The following PTPRD variants were observed in gnomAD, a reference collection of about 807,000 sequenced individuals.
PTPRD encodes the protein receptor-type tyrosine-protein phosphatase delta.
In PTPRD, 34 loss-of-function variants were observed where a neutral mutation model predicts 214.5. That is an observed-to-expected ratio of 0.16 (90% confidence interval 0.12 to 0.21). PTPRD has a LOEUF of 0.21. PTPRD is among the 10% of genes least tolerant of loss of function. The pLI, the probability that PTPRD is intolerant of heterozygous loss-of-function variation, is 1.00. For missense variants in PTPRD, 2,545 were observed against 2,398.7 expected, an observed-to-expected ratio of 1.06 and a Z score of -1.27; for synonymous variants, 1,128 against 845.7, an observed-to-expected ratio of 1.33 and a Z score of -5.79.
At chr9:8,996,385 T>C (rs765845200) in intron 11 of PTPRD, among the ~76,000 whole-genome samples, 1 of 152,004 alleles carries the variant, frequency 6.6e-6, no homozygotes, top group Non-Finnish European at 1.5e-5. Flanking sequence ...GGTTACGTAA[T>C]GGATGATTAC....
chr9:9,313,251 C>A (rs1960189327), intron 9 of PTPRD, among the ~76,000 whole-genome samples: 2 of 151,976 alleles, frequency 1.3e-5, no homozygotes, highest in Admixed American at 1.3e-4. Context: ...GAGAGGAGAG[C>A]AACAAGATTA....
intron 12 of PTPRD, among the ~76,000 whole-genome samples, chr9:8,688,667 G>A (rs372929285): frequency 2.0e-5 from 3 of 151,728 alleles, no homozygotes; most frequent in African/African-American, 4.8e-5. Context: ...TAGTAAACAC[G>A]TATTCTTCAG....
chr9:9,079,429 C>T (rs2099755888), intron 10 of PTPRD, among the ~76,000 whole-genome samples: 1 of 151,930 alleles, frequency 6.6e-6, no homozygotes, highest in East Asian at 1.9e-4. Context: ...TATGTTAATT[C>T]CATATCTTGG....
At chr9:9,580,992 T>TG (rs1426878316) in intron 7 of PTPRD, among the ~76,000 whole-genome samples, 1 of 152,144 alleles carries the variant, frequency 6.6e-6, no homozygotes, top group African/African-American at 2.4e-5. Context: ...TTCCCTGTGT[T>TG]GATCAGATTC....
intron 11 of PTPRD, among the ~76,000 whole-genome samples, chr9:8,785,282 C>T (rs1368229449): frequency 1.3e-5 from 2 of 152,118 alleles, no homozygotes; most frequent in Non-Finnish European, 2.9e-5. Flanking sequence ...CCAGTCATAC[C>T]GGCATAACTA....
intron 32 of PTPRD, among the ~76,000 whole-genome samples, chr9:8,462,114 T>A (rs2096426699): frequency 1.3e-5 from 2 of 152,052 alleles, no homozygotes; most frequent in Admixed American, 1.3e-4. Flanking sequence ...TCATTTCCAA[T>A]CATTTCTAGA....
At chr9:8,783,171 T>A (rs1382643558) in intron 11 of PTPRD, among the ~76,000 whole-genome samples, 1 of 152,114 alleles carries the variant, frequency 6.6e-6, no homozygotes, top group Non-Finnish European at 1.5e-5. Flanking sequence ...GAAATTTTCA[T>A]AAAGAAATCC....
At chr9:10,269,494 C>A (rs530293996) in intron 3 of PTPRD, among the ~76,000 whole-genome samples, 34 of 152,134 alleles carry the variant, frequency 2.2e-4, no homozygotes, top group African/African-American at 6.0e-4. Context: ...TATACAACCA[C>A]CTGAGGAAAG....
chr9:8,829,783 A>G (rs141954664), intron 11 of PTPRD, among the ~76,000 whole-genome samples: 82 of 152,314 alleles, frequency 5.4e-4, no homozygotes, highest in African/African-American at 1.9e-3. Context: ...TCAGTCTACC[A>G]CTAATAACCA....
At chr9:8,743,004 C>T (rs2092270585) in intron 11 of PTPRD, among the ~76,000 whole-genome samples, 3 of 151,710 alleles carry the variant, frequency 2.0e-5, no homozygotes, top group Admixed American at 6.6e-5. Flanking sequence ...CAACTACCTG[C>T]CCCCCAACAA....
At chr9:9,173,065 G>T (rs369793808) in intron 10 of PTPRD, among the ~76,000 whole-genome samples, 1 of 152,036 alleles carries the variant, frequency 6.6e-6, no homozygotes, top group Non-Finnish European at 1.5e-5. Context: ...ACTCTCCTCA[G>T]ACTTTCACTC....
chr9:8,913,656 G>C (rs2098763957), intron 11 of PTPRD, among the ~76,000 whole-genome samples: 1 of 151,916 alleles, frequency 6.6e-6, no homozygotes, highest in African/African-American at 2.4e-5. Context: ...TCTTATTAAG[G>C]CAAACTTTCC....
At chr9:10,370,554 A>T (rs933841749) in intron 2 of PTPRD, among the ~76,000 whole-genome samples, 1 of 152,088 alleles carries the variant, frequency 6.6e-6, no homozygotes, top group Admixed American at 6.6e-5. Flanking sequence ...ATACATTGAA[A>T]TTGAATTAAT....
intron 2 of PTPRD, among the ~76,000 whole-genome samples, chr9:10,474,107 C>G (rs1309855149): frequency 2.0e-5 from 3 of 151,950 alleles, no homozygotes; most frequent in Non-Finnish European, 4.4e-5. Flanking sequence ...CTAGCATCAT[C>G]ACGACAGGAT....
At chr9:10,603,882 G>C (rs1469535845) in intron 2 of PTPRD, among the ~76,000 whole-genome samples, 2 of 151,852 alleles carry the variant, frequency 1.3e-5, no homozygotes, top group African/African-American at 4.8e-5. Context: ...ACTACAAGAA[G>C]TGATAAACTA....
chr9:8,989,225 C>G (rs540402550), intron 11 of PTPRD, among the ~76,000 whole-genome samples: 1 of 151,950 alleles, frequency 6.6e-6, no homozygotes, highest in Admixed American at 6.6e-5. Context: ...GGAATCATTG[C>G]AATTCTCTTC....
intron 7 of PTPRD, among the ~76,000 whole-genome samples, chr9:9,676,490 T>C (rs1184946544): frequency 2.0e-5 from 3 of 152,028 alleles, no homozygotes; most frequent in Admixed American, 2.0e-4. Context: ...TATTCCATGG[T>C]GTATATGTGC....
intron 39 of PTPRD, among the ~76,000 whole-genome samples, chr9:8,351,252 A>G (rs1056773868): frequency 2.0e-5 from 3 of 152,170 alleles, no homozygotes; most frequent in Non-Finnish European, 4.4e-5. Context: ...CATTGTTTTA[A>G]AAGTCCATTC....
chr9:9,998,129 A>AAAAAATATATATATATATATATAT (rs57991748), intron 4 of PTPRD, among the ~76,000 whole-genome samples: 2 of 91,496 alleles, frequency 2.2e-5, no homozygotes, highest in African/African-American at 1.2e-4. Flanking sequence ...AAAAAAAAAA[A>AAAAAATATATATATATATATATAT]ATATATATAT....
Sources: gnomAD v4.1 joint callset for allele counts (sites outside exome capture counted in the v4.1 genomes callset) on GRCh38, gnomAD v4.1.1 for gene constraint, MANE v1.5 for transcripts, NCBI Gene and HGNC (gene_info 2026-07-23, HGNC 2026-07-21) for gene names.